Variants in PREX2 observed in about 807,000 individuals in gnomAD.
PREX2 encodes the protein phosphatidylinositol 3,4,5-trisphosphate-dependent Rac exchanger 2 protein.
PREX2 carries 107 observed loss-of-function variants against 203.2 expected under a neutral mutation model. That is an observed-to-expected ratio of 0.53 (90% CI 0.45 to 0.62). The LOEUF (loss-of-function observed/expected upper bound fraction) is 0.62. Among genes scored for constraint, PREX2 ranks in the 20% least tolerant of loss-of-function variants. The pLI is 0.00. For synonymous variants in PREX2, 672 were observed against 663.6 expected (o/e 1.01, Z -0.19); for missense variants, 1,777 against 1,955.9 (o/e 0.91, Z 1.72).
rs568639894 is a variant in PREX2 at position 67,971,187 on chromosome 8, T to A, written c.141+18652T>A. On this transcript the variant is annotated intron_variant, in intron 1 of 39. Coordinates refer to ENST00000288368, the MANE Select transcript of PREX2 (RefSeq NM_024870.4). ...TAGGGGAGATTTTTGAGCAAGGAAG[T>A]CAAAACAATGGGCCTTGGTTCAGAA... is the stretch of plus-strand genomic sequence containing the variant. 2.1e-4 allele frequency among the ~76,000 whole-genome samples: 32 copies of A among 152,064 alleles called. No homozygotes were observed. In the South Asian group the frequency reaches 6.6e-3, roughly 32 times the overall value.
chr8:68,204,885 G>T (rs1812584750), intron 37 of PREX2, among the ~76,000 whole-genome samples: 1 of 151,472 alleles, frequency 6.6e-6, no homozygotes, highest in Non-Finnish European at 1.5e-5. Flanking sequence ...GTTTCACCGT[G>T]TTAGCCAGGA....
chr8:68,137,049 G>C (rs1022549677), intron 32 of PREX2, among the ~76,000 whole-genome samples: 17 of 151,762 alleles, frequency 1.1e-4, no homozygotes, highest in Admixed American at 7.2e-4. Context: ...GGGATTATAG[G>C]TGTGCACCAC....
chr8:68,108,117 T>G lies in PREX2; in HGVS notation c.2724T>G (p.Arg908=), dbSNP rs1399227596. The G allele has an allele frequency of 1.2e-6, 2 of 1,609,878 alleles. No individual in the cohort carries two copies. Among genetic ancestry groups the G allele is most frequent in the African/African-American group, 2.7e-5 (2 of 74,676 alleles). ...TTTTCTTTAATTTGCAGTTTTCTCG[T>G]GTACTGAAGAATAGGGCCTGGCCTA... is the stretch of plus-strand genomic sequence containing the variant. ...QRISSYKKFS[R]VLKNRAWPTF... Residue 908 remains arginine (R), a synonymous_variant, in exon 24 of 40, where the codon CGT becomes CGG. Transcript: ENST00000288368.
chr8:68,108,390 AT>A, intron 24 of PREX2, 59 bp downstream of exon 24: 1 of 1,194,704 alleles, frequency 8.4e-7, no homozygotes, highest in Non-Finnish European at 1.2e-6. Flanking sequence ...AATCATAGCT[AT>A]TCATGCATCC....
intron 20 of PREX2, among the ~76,000 whole-genome samples, chr8:68,091,784 C>T (rs931245865): frequency 6.6e-6 from 1 of 152,122 alleles, no homozygotes; most frequent in African/African-American, 2.4e-5. Context: ...GCAGAGAAAT[C>T]GATTTGAGTT....
intron 23 of PREX2, among the ~76,000 whole-genome samples, chr8:68,103,973 C>G (rs769006459): frequency 1.3e-5 from 2 of 152,192 alleles, no homozygotes; most frequent in Admixed American, 6.5e-5. Flanking sequence ...CCATATCTCA[C>G]GCTTCACATG....
Position 68,016,317 on chromosome 8 carries a change from C to T in PREX2, c.142-1529C>T, listed in dbSNP as rs1480645303. ...CATCTGCATATATGTATGTATGTAG[C>T]AAATATGCCACTTAATAAATTTTTT... On this transcript the variant is annotated intron_variant, in intron 1 of 39. Coordinates refer to ENST00000288368, the MANE Select transcript of PREX2 (RefSeq NM_024870.4). Among the ~76,000 whole-genome samples, 5 of 151,920 alleles carry T rather than the reference C, an allele frequency of 3.3e-5. No homozygotes were observed. The East Asian group carries it at 9.6e-4, about 29-fold the overall frequency.
chr8:68,025,100 C>A (rs950408600), intron 4 of PREX2, among the ~76,000 whole-genome samples: 4 of 151,944 alleles, frequency 2.6e-5, no homozygotes, highest in African/African-American at 4.8e-5. Context: ...GCTCTTATTT[C>A]TTCCTGTGTA....
chr8:67,987,748 C>T (rs866770398), intron 1 of PREX2, among the ~76,000 whole-genome samples: 1 of 152,316 alleles, frequency 6.6e-6, no homozygotes, highest in Middle Eastern at 3.4e-3. Context: ...GCTCACACTC[C>T]ATCTTCTCTA....
Position 68,134,015 on chromosome 8 carries a change from T to C in PREX2, c.3767-44T>C. The C allele has an allele frequency of 2.6e-6, 4 of 1,514,950 alleles. No individual in the cohort carries two copies. The South Asian group carries it at 3.4e-5, about 13-fold the overall frequency. The allele number at this position is 1,514,950 out of a possible 1,614,324, so 93.8% of individuals were successfully genotyped here. A position where few individuals can be genotyped will look rare whatever the true frequency, so the allele number is the denominator to read the frequency against. On this transcript the variant is annotated intron_variant, in intron 31 of 39. Coordinates refer to ENST00000288368, the MANE Select transcript of PREX2 (RefSeq NM_024870.4). ...GCTGAACGCATTGGTTTTCACCATC[T>C]GCAACATTTTTCGAAGCATTCTCTA... is the stretch of plus-strand genomic sequence containing the variant.
intron 10 of PREX2, among the ~76,000 whole-genome samples, chr8:68,057,778 G>T (rs1035980786): frequency 6.6e-6 from 1 of 152,154 alleles, no homozygotes; most frequent in Non-Finnish European, 1.5e-5. Flanking sequence ...TAGCCACCAG[G>T]GGTCATTTTT....
intron 35 of PREX2, among the ~76,000 whole-genome samples, chr8:68,177,557 C>T (rs1585846824): frequency 6.6e-6 from 1 of 152,112 alleles, no homozygotes; most frequent in African/African-American, 2.4e-5. Context: ...ACAGTAAGGC[C>T]CTGTCTCTTA....
chr8:67,985,688 A>G (rs1806396998), intron 1 of PREX2, among the ~76,000 whole-genome samples: 1 of 152,222 alleles, frequency 6.6e-6, no homozygotes, highest in Admixed American at 6.5e-5. Context: ...AGGGCCGCTG[A>G]GTACAGTAGG....
At chr8:68,152,393 G>T (rs534427908) in intron 34 of PREX2, among the ~76,000 whole-genome samples, 20 of 149,750 alleles carry the variant, frequency 1.3e-4, no homozygotes, top group Non-Finnish European at 2.2e-4. Flanking sequence ...AGAAGAAATC[G>T]TTTCCAGGAT....
In PREX2 at chr8:68,093,663, A is replaced by T. The variant is rs766032740; in HGVS notation, c.2309A>T (p.Lys770Ile). 8 of 1,612,252 alleles carry T rather than the reference A, an allele frequency of 5.0e-6. No individual in the cohort carries two copies. The highest frequency in any genetic ancestry group is 6.8e-6 in the Non-Finnish European group (8 of 1,178,500). Residue 770 changes from lysine (K) to isoleucine (I), a missense_variant, in exon 21 of 40, where the codon AAA becomes ATA. Transcript: ENST00000288368. ...SIESAQEDLQ[K>I]SHSKPPGDEA... Reference sequence around the variant, plus strand: ...GAGAGTGCTCAAGAAGACCTTCAAAAATCTCACTCCAAGCCCCCTGGAGAT... The same window carrying T: ...GAGAGTGCTCAAGAAGACCTTCAAATATCTCACTCCAAGCCCCCTGGAGAT...
intron 8 of PREX2, among the ~76,000 whole-genome samples, chr8:68,046,023 A>T (rs1206018266): frequency 6.6e-6 from 1 of 152,064 alleles, no homozygotes; most frequent in Non-Finnish European, 1.5e-5. Context: ...AGGAAGTCAG[A>T]TAGTAAAAGA....
intron 7 of PREX2, among the ~76,000 whole-genome samples, chr8:68,038,599 G>C (rs1211037578): frequency 6.6e-6 from 1 of 152,092 alleles, no homozygotes; most frequent in African/African-American, 2.4e-5. Context: ...GGAGAGGGTG[G>C]TGTGTCTTCT....
chr8:68,229,998 G>T (rs1813134846), intron 39 of PREX2, among the ~76,000 whole-genome samples: 1 of 152,198 alleles, frequency 6.6e-6, no homozygotes, highest in African/African-American at 2.4e-5. Context: ...CTTCTGATGT[G>T]AGATGTCTTT....
intron 37 of PREX2, among the ~76,000 whole-genome samples, chr8:68,195,627 C>T (rs934880705): frequency 1.3e-5 from 2 of 151,998 alleles, no homozygotes; most frequent in Non-Finnish European, 1.5e-5. Flanking sequence ...GAGAGGAACC[C>T]AAGCCAGATC....
Sources: allele counts gnomAD v4.1 joint callset (sites outside exome capture counted in the v4.1 genomes callset), GRCh38; gene constraint gnomAD v4.1.1; transcripts MANE v1.5; gene names NCBI Gene and HGNC (gene_info 2026-07-23, HGNC 2026-07-21).